Variants in NTM observed in about 807,000 individuals in gnomAD.
NTM encodes the protein IgLON family member 2.
Under a neutral mutation model 42.1 loss-of-function variants are expected in NTM, and 13 were observed. The ratio of observed to expected loss-of-function variants is 0.31; its 90% CI spans 0.20 to 0.49. NTM has a LOEUF of 0.49. NTM is among the 20% of genes least tolerant of loss of function. The probability of loss-of-function intolerance (pLI) is 0.99; values close to 1 mark genes in which losing one functional copy is unlikely to be tolerated. For synonymous variants in NTM, 187 were observed against 179.2 expected (o/e 1.04, Z -0.35); for missense variants, 373 against 452.8 (o/e 0.82, Z 1.60).
At chr11:131,572,839 G>A (rs1338036876) in intron 1 of NTM, among the ~76,000 whole-genome samples, 3 of 152,210 alleles carry the variant, frequency 2.0e-5, no homozygotes, top group Admixed American at 2.0e-4. Flanking sequence ...CTCTTCTGCT[G>A]ATGAAGGAGA....
At chr11:132,214,306 C>A (rs572614768) in intron 4 of NTM, among the ~76,000 whole-genome samples, 1 of 152,154 alleles carries the variant, frequency 6.6e-6, no homozygotes, top group African/African-American at 2.4e-5. Flanking sequence ...CCAGCCCAGT[C>A]TGTGCCTTTG....
At chr11:131,761,641 T>C (rs1157376208) in intron 1 of NTM, among the ~76,000 whole-genome samples, 1 of 151,816 alleles carries the variant, frequency 6.6e-6, no homozygotes, top group Non-Finnish European at 1.5e-5. Context: ...ACCCCATCTC[T>C]ACTAAAAACA....
chr11:131,585,996 A>G (rs1402579894), intron 1 of NTM, among the ~76,000 whole-genome samples: 2 of 152,262 alleles, frequency 1.3e-5, no homozygotes, highest in African/African-American at 4.8e-5. Context: ...TGTTGAGCAC[A>G]GAAACTTACC....
intron 1 of NTM, among the ~76,000 whole-genome samples, chr11:131,569,926 C>A (rs2057296104): frequency 2.0e-5 from 3 of 152,220 alleles, no homozygotes; most frequent in African/African-American, 7.2e-5. Context: ...GCCTTCTTGA[C>A]TCCAGCTGCA....
chr11:131,739,251 G>C (rs2080874239), intron 1 of NTM, among the ~76,000 whole-genome samples: 1 of 151,796 alleles, frequency 6.6e-6, no homozygotes, highest in African/African-American at 2.4e-5. Context: ...TATCAAAACA[G>C]CTTTTGTTGG....
intron 7 of NTM, among the ~76,000 whole-genome samples, chr11:132,327,132 GATAA>G (rs1264351320): frequency 9.9e-5 from 15 of 152,176 alleles, no homozygotes; most frequent in African/African-American, 3.4e-4. Context: ...CTCTCACGGT[GATAA>G]ATAAGGACTC....
At chr11:131,496,429 T>C (rs937977630) in intron 1 of NTM, among the ~76,000 whole-genome samples, 1 of 152,244 alleles carries the variant, frequency 6.6e-6, no homozygotes, top group Non-Finnish European at 1.5e-5. Flanking sequence ...CCCTTTGTGA[T>C]AGCACTCAGC....
chr11:131,913,118 T>C (rs981446853), intron 2 of NTM, among the ~76,000 whole-genome samples: 6 of 152,162 alleles, frequency 3.9e-5, no homozygotes, highest in African/African-American at 1.4e-4. Flanking sequence ...GCTTTAAAAA[T>C]GGATTTCAGG....
At chr11:132,241,554 A>G (rs1010175027) in intron 4 of NTM, among the ~76,000 whole-genome samples, 2 of 152,200 alleles carry the variant, frequency 1.3e-5, no homozygotes, top group Non-Finnish European at 2.9e-5. Context: ...GAGTAATTCA[A>G]AGTCGTAAAC....
At chr11:131,565,026 T>G (rs2056718891) in intron 1 of NTM, among the ~76,000 whole-genome samples, 1 of 152,238 alleles carries the variant, frequency 6.6e-6, no homozygotes, top group Admixed American at 6.5e-5. Context: ...GACATACTCC[T>G]TCTTTGGTCC....
intron 1 of NTM, chr11:131,795,474 C>T (rs2091450385): frequency 1.0e-6 from 1 of 985,354 alleles, no homozygotes; most frequent in Non-Finnish European, 1.2e-6. Context: ...GGAAATGATA[C>T]CTGGTTGCCT....
At chr11:131,509,279 C>T (rs1207079727) in intron 1 of NTM, among the ~76,000 whole-genome samples, 3 of 152,112 alleles carry the variant, frequency 2.0e-5, no homozygotes, top group African/African-American at 7.2e-5. Flanking sequence ...CCAAAGACCA[C>T]TTGGTTTTGG....
rs1303957683 is a variant in NTM at position 131,804,874 on chromosome 11, G to A, written c.83-106690G>A. 4.6e-5 allele frequency among the ~76,000 whole-genome samples: 7 copies of A among 152,100 alleles called. No individual in the cohort carries two copies. In the East Asian group the frequency reaches 1.2e-3, roughly 25 times the overall value. ...GTCAAAGGGCTGGAGGGAAGTAGTC[G>A]TGACTCTTTTTCGCCCCTTCTGACC... On this transcript the variant is annotated intron_variant, in intron 1 of 8. Transcript: ENST00000683400.
chr11:131,464,305 C>G (rs1286911447), intron 1 of NTM, among the ~76,000 whole-genome samples: 1 of 152,010 alleles, frequency 6.6e-6, no homozygotes, highest in Non-Finnish European at 1.5e-5. Flanking sequence ...GGAGAATGAT[C>G]TGTCAGGACA....
chr11:132,129,886 C>T (rs895209611), intron 2 of NTM, among the ~76,000 whole-genome samples: 16 of 152,194 alleles, frequency 1.1e-4, no homozygotes, highest in African/African-American at 3.6e-4. Context: ...CCTTTTTCAT[C>T]TTCACCTACC....
intron 1 of NTM, among the ~76,000 whole-genome samples, chr11:131,380,899 A>G (rs1942591415): frequency 6.6e-6 from 1 of 152,084 alleles, no homozygotes; most frequent in Non-Finnish European, 1.5e-5. Flanking sequence ...TTATAAAGCC[A>G]TTTTCTTAGA....
intron 1 of NTM, among the ~76,000 whole-genome samples, chr11:131,489,433 T>A (rs1379797021): frequency 6.6e-6 from 1 of 152,256 alleles, no homozygotes; most frequent in African/African-American, 2.4e-5. Context: ...CTGTGCTCCA[T>A]GCCCTAGCAT....
chr11:132,209,978 TGAAGGAAAA>T (rs2082584765), intron 3 of NTM, among the ~76,000 whole-genome samples: 1 of 152,130 alleles, frequency 6.6e-6, no homozygotes, highest in African/African-American at 2.4e-5. Flanking sequence ...TCCCTTTTCA[TGAAGGAAAA>T]GATCCAACAC....
intron 1 of NTM, among the ~76,000 whole-genome samples, chr11:131,404,381 C>T (rs780699355): frequency 3.3e-5 from 5 of 152,200 alleles, no homozygotes; most frequent in Non-Finnish European, 7.3e-5. Context: ...TGGCATCGCG[C>T]CGTCCTGGCT....
Sources: gnomAD v4.1 joint callset for allele counts (sites outside exome capture counted in the v4.1 genomes callset) on GRCh38, gnomAD v4.1.1 for gene constraint, MANE v1.5 for transcripts, NCBI Gene and HGNC (gene_info 2026-07-23, HGNC 2026-07-21) for gene names.